The following R3HDM1 variants were observed in gnomAD, a reference collection of about 807,000 sequenced individuals.
R3HDM1 encodes the protein R3H domain-containing protein 1.
Under a neutral mutation model 141.1 loss-of-function variants are expected in R3HDM1, and 46 were observed. The observed-to-expected ratio is 0.33, with a 90% CI of 0.26 to 0.42. The LOEUF (loss-of-function observed/expected upper bound fraction) is 0.42. Ranked by LOEUF, R3HDM1 falls within the 10% of genes least tolerant of loss-of-function variation. The pLI, the probability that R3HDM1 is intolerant of heterozygous loss-of-function variation, is 1.00. For synonymous variants in R3HDM1, 435 were observed against 472.9 expected (o/e 0.92, Z 1.04); for missense variants, 1,184 against 1,368.3 (o/e 0.87, Z 2.12).
At chr2:135,660,207 C>T (rs779739066) in intron 18 of R3HDM1, among the ~76,000 whole-genome samples, 3 of 152,034 alleles carry the variant, frequency 2.0e-5, no homozygotes, top group Non-Finnish European at 4.4e-5. Context: ...TTGAGTTTCC[C>T]GTATTTGAAA....
intron 21 of R3HDM1, among the ~76,000 whole-genome samples, chr2:135,693,849 T>C (rs2072813387): frequency 6.6e-6 from 1 of 151,658 alleles, no homozygotes; most frequent in Admixed American, 6.6e-5. Context: ...CTCCTAAAAA[T>C]ACAGAATTAG....
intron 1 of R3HDM1, among the ~76,000 whole-genome samples, chr2:135,541,424 G>A (rs1697474257): frequency 6.6e-6 from 1 of 152,074 alleles, no homozygotes; most frequent in Non-Finnish European, 1.5e-5. Flanking sequence ...TAGCCAGGAT[G>A]GTCTTGATCT....
chr2:135,581,525 T>A (rs1414606256), intron 1 of R3HDM1: 2 of 472,610 alleles, frequency 4.2e-6, no homozygotes, highest in Non-Finnish European at 5.5e-6. Flanking sequence ...ATTAATAGTA[T>A]CTCCTCTCTA....
intron 21 of R3HDM1, among the ~76,000 whole-genome samples, chr2:135,690,753 T>G (rs1214621500): frequency 6.6e-6 from 1 of 152,182 alleles, no homozygotes; most frequent in Admixed American, 6.5e-5. Context: ...TTTTTACCAT[T>G]TTTGTGGGCA....
At position 135,722,023 on chromosome 2, in the gene R3HDM1, A is replaced by G. The variant is rs1362812513; in HGVS notation, c.2964+17A>G. ...AACCAACAGGTAGGAAAGACAACTA[A>G]CCTCCTAGGCTTTGTTGCAGAACAT... On this transcript the variant is annotated intron_variant, in intron 25 of 26. Transcript: ENST00000683871. 2 of 1,599,578 alleles carry G rather than the reference A, an allele frequency of 1.3e-6. No individual in the cohort carries two copies. Among genetic ancestry groups the G allele is most frequent in the South Asian group, 2.2e-5 (2 of 90,780 alleles).
chr2:135,649,144 C>A (rs887248199), intron 16 of R3HDM1: 1 of 151,574 alleles, frequency 6.6e-6, no homozygotes. Flanking sequence ...CGGCTCACTG[C>A]AAGCTCCGCC....
At chr2:135,574,192 A>G (rs920568452) in intron 1 of R3HDM1, among the ~76,000 whole-genome samples, 3 of 152,204 alleles carry the variant, frequency 2.0e-5, no homozygotes, top group African/African-American at 7.2e-5. Flanking sequence ...CACTAAAAAT[A>G]ATTTTTAAAA....
chr2:135,636,878 C>T (rs890093020), intron 11 of R3HDM1, among the ~76,000 whole-genome samples: 14 of 151,956 alleles, frequency 9.2e-5, no homozygotes, highest in African/African-American at 3.1e-4. Flanking sequence ...TATTGAGCAC[C>T]TGTAGTAAGT....
intron 18 of R3HDM1, among the ~76,000 whole-genome samples, chr2:135,660,749 G>C (rs538656641): frequency 6.6e-5 from 10 of 151,888 alleles, no homozygotes; most frequent in South Asian, 2.1e-4. Flanking sequence ...GGGAGGCTGA[G>C]GCAGGAGAAT....
In R3HDM1 at chr2:135,686,352, A is replaced by G. The variant is rs148663362; in HGVS notation, c.2459+6028A>G. 3.0e-3 allele frequency among the ~76,000 whole-genome samples: 458 copies of G among 152,372 alleles called. 3 individuals are homozygous for G. The highest frequency in any genetic ancestry group is 0.01 in the African/African-American group (427 of 41,594). Reference sequence around the variant, plus strand: ...TTTATGCAGAAGAATTGAAATCAGTATCTCGAAGAGAGATTTACATCTCCA... The same window carrying G: ...TTTATGCAGAAGAATTGAAATCAGTGTCTCGAAGAGAGATTTACATCTCCA... On this transcript the variant is annotated intron_variant, in intron 21 of 26. Transcript: ENST00000683871.
At chr2:135,540,697 C>A (rs1449166473) in intron 1 of R3HDM1, among the ~76,000 whole-genome samples, 3 of 152,180 alleles carry the variant, frequency 2.0e-5, no homozygotes, top group Non-Finnish European at 4.4e-5. Context: ...GGATTATAGG[C>A]ATGAGCCACC....
chr2:135,648,083 T>A (rs191318860), intron 16 of R3HDM1, among the ~76,000 whole-genome samples: 1 of 152,318 alleles, frequency 6.6e-6, no homozygotes, highest in Admixed American at 6.5e-5. Context: ...TAATAACACA[T>A]CAAGTAGCTT....
At chr2:135,629,822 G>A (rs2062453938) in intron 7 of R3HDM1, among the ~76,000 whole-genome samples, 1 of 152,138 alleles carries the variant, frequency 6.6e-6, no homozygotes, top group Non-Finnish European at 1.5e-5. Flanking sequence ...ATTTAACAAA[G>A]GGAGTGATGT....
Position 135,604,674 on chromosome 2 carries a change from C to T in R3HDM1, c.-40-132C>T. ...GATGTATCTAGCACAAAATTATATA[C>T]TCCTTGAAATCAAGAATTTTGTTCC... On this transcript the variant is annotated intron_variant, in intron 2 of 26. Coordinates refer to ENST00000683871, the MANE Select transcript of R3HDM1 (RefSeq NM_001378107.1). 3 of 621,438 alleles carry T rather than the reference C, an allele frequency of 4.8e-6. No individual in the cohort carries two copies. In the South Asian group the frequency reaches 5.7e-5, roughly 12 times the overall value. 38.5% of individuals were successfully genotyped at this position (621,438 alleles called of 1,614,324 possible). A position where few individuals can be genotyped will look rare whatever the true frequency, so the allele number is the denominator to read the frequency against.
chr2:135,705,561 A>G (rs1459003121), intron 21 of R3HDM1, among the ~76,000 whole-genome samples: 1 of 151,990 alleles, frequency 6.6e-6, no homozygotes, highest in Non-Finnish European at 1.5e-5. Context: ...ACTTGAGCCC[A>G]AGTGTTCAGT....
chr2:135,543,647 A>G (rs1008652315), intron 1 of R3HDM1, among the ~76,000 whole-genome samples: 5 of 152,222 alleles, frequency 3.3e-5, no homozygotes, highest in African/African-American at 1.2e-4. Context: ...GCAAGTTTAC[A>G]TGATACCATA....
chr2:135,544,313 A>G (rs1412003562), intron 1 of R3HDM1, among the ~76,000 whole-genome samples: 1 of 152,206 alleles, frequency 6.6e-6, no homozygotes, highest in Non-Finnish European at 1.5e-5. Context: ...TGACTCCCAA[A>G]AAAGGACACC....
At position 135,541,398 on chromosome 2, in the gene R3HDM1, C is replaced by T. The variant is rs557678683; in HGVS notation, c.-250+9765C>T. On this transcript the variant is annotated intron_variant, in intron 1 of 26. Transcript: ENST00000683871. ...AATTTTTTTTTATTTTTAGTAGAGA[C>T]GAGGTTTCACCTTGTTAGCCAGGAT... Among the ~76,000 whole-genome samples, 241 of 152,088 alleles carry T rather than the reference C, an allele frequency of 1.6e-3. 1 individual carries two copies. Among genetic ancestry groups the T allele is most frequent in the Middle Eastern group, 6.8e-3 (2 of 294 alleles).
chr2:135,562,588 T>C (rs1702000147), intron 1 of R3HDM1, among the ~76,000 whole-genome samples: 1 of 152,230 alleles, frequency 6.6e-6, no homozygotes, highest in African/African-American at 2.4e-5. Flanking sequence ...CTTACCAATA[T>C]CTAGACTTGA....
Sources: gnomAD v4.1 joint callset for allele counts (sites outside exome capture counted in the v4.1 genomes callset) on GRCh38, gnomAD v4.1.1 for gene constraint, MANE v1.5 for transcripts, NCBI Gene and HGNC (gene_info 2026-07-23, HGNC 2026-07-21) for gene names.